PARP16: variants seen among roughly 807,000 people sequenced by gnomAD.
PARP16 encodes protein mono-ADP-ribosyltransferase PARP16.
A neutral mutation model predicts 35.0 loss-of-function variants in PARP16; 31 were observed. That is an observed-to-expected ratio of 0.88 (90% CI 0.66 to 1.19). The LOEUF is 1.19. Ranked by LOEUF, PARP16 falls within the 50% of genes most tolerant of loss-of-function variation. The pLI is 0.00. For synonymous variants in PARP16, 162 were observed against 169.5 expected (o/e 0.96, Z 0.34); for missense variants, 424 against 411.2 (o/e 1.03, Z -0.27).
intron 3 of PARP16, among the ~76,000 whole-genome samples, chr15:65,236,444 T>A (rs1165278840): frequency 2.0e-5 from 3 of 152,170 alleles, no homozygotes; most frequent in Non-Finnish European, 2.9e-5. Context: ...TGGATTGAGA[T>A]CTGGAACACC....
rs78955041 is a variant in PARP16 at position 65,281,021 on chromosome 15, G to A, written c.174+5232C>T. Among the ~76,000 whole-genome samples the A allele has an allele frequency of 5.3e-5, 8 of 152,286 alleles. No individual in the cohort carries two copies. In the East Asian group the frequency reaches 1.3e-3, roughly 26 times the overall value. ...TGAGCACCCAGGTGAGGCTCATGTT[G>A]CTGGTCCTCAACCACACTAAGCAGC... On this transcript the variant is annotated intron_variant, in intron 1 of 5. Coordinates refer to ENST00000649807, the MANE Select transcript of PARP16 (RefSeq NM_001316943.2).
chr15:65,261,446 A>G (rs1005067577), intron 4 of PARP16, among the ~76,000 whole-genome samples: 1 of 147,460 alleles, frequency 6.8e-6, no homozygotes, highest in African/African-American at 2.5e-5. Flanking sequence ...ATATATATAC[A>G]TGTTTTGTTT....
chr15:65,271,235 T>G (rs2090082905), intron 1 of PARP16, among the ~76,000 whole-genome samples, 163 bp from the exon 2 acceptor site: 1 of 152,078 alleles, frequency 6.6e-6, no homozygotes, highest in Non-Finnish European at 1.5e-5. Context: ...AATACTAAAC[T>G]TTACAAGCTC....
chr15:65,236,987 GA>G (rs1031434773), intron 3 of PARP16, among the ~76,000 whole-genome samples: 50 of 139,140 alleles, frequency 3.6e-4, no homozygotes, highest in Non-Finnish European at 6.0e-4. Flanking sequence ...AAAAAAAAAA[GA>G]AAAAAAAAAG....
At chr15:65,251,755 T>C (rs2089366897) in intron 2 of PARP16, among the ~76,000 whole-genome samples, 1 of 152,144 alleles carries the variant, frequency 6.6e-6, no homozygotes, top group South Asian at 2.1e-4. Flanking sequence ...TGCCTAGGTT[T>C]TTTTTTTGTT....
chr15:65,262,712 T>A (rs890430331), intron 4 of PARP16, among the ~76,000 whole-genome samples: 4 of 152,114 alleles, frequency 2.6e-5, no homozygotes, highest in African/African-American at 7.2e-5. Flanking sequence ...TTATTGAATA[T>A]CAAGTACATA....
At chr15:65,242,780 T>C (rs547166923) in intron 3 of PARP16, among the ~76,000 whole-genome samples, 1 of 152,208 alleles carries the variant, frequency 6.6e-6, no homozygotes, top group South Asian at 2.1e-4. Flanking sequence ...AGTGGCATGA[T>C]CTTGGCTCAC....
rs764912928 is a variant in PARP16 at position 65,259,466 on chromosome 15, T to A, written c.910A>T (p.Ile304Leu). Reference sequence around the variant, plus strand: ...GCAGAGGAGTTGATGACACTCACTATGAGCAGCAGCAGCAGATACAGGGAT... The same window carrying A: ...GCAGAGGAGTTGATGACACTCACTAAGAGCAGCAGCAGCAGATACAGGGAT... Reference protein sequence around the residue: ...MISLYLLLLLIVSVINSSAFQ... With the variant: ...MISLYLLLLLLVSVINSSAFQ... The change falls in exon 6 of 6, where the codon ATA becomes TTA. Residue 304 changes from isoleucine to leucine, a missense_variant. Transcript: ENST00000649807. The A allele has an allele frequency of 1.2e-6, 2 of 1,613,836 alleles. No homozygotes were observed. The highest frequency in any genetic ancestry group is 1.7e-6 in the Non-Finnish European group (2 of 1,179,668).
intron 3 of PARP16, among the ~76,000 whole-genome samples, chr15:65,264,521 G>A (rs902978705): frequency 1.3e-5 from 2 of 152,210 alleles, no homozygotes; most frequent in African/African-American, 4.8e-5. Context: ...GTTAAGTGAA[G>A]CTTAGGGGAA....
chr15:65,247,620 T>A (rs1289264798), intron 3 of PARP16, among the ~76,000 whole-genome samples: 1 of 152,034 alleles, frequency 6.6e-6, no homozygotes, highest in Non-Finnish European at 1.5e-5. Flanking sequence ...TCTTGGACTC[T>A]TAGGTCACTG....
At chr15:65,251,538 T>C (rs1359881411) in intron 2 of PARP16, among the ~76,000 whole-genome samples, 3 of 152,194 alleles carry the variant, frequency 2.0e-5, no homozygotes, top group African/African-American at 7.2e-5. Context: ...TCTGAGACTT[T>C]GCATGGCAGC....
At position 65,266,665 on chromosome 15, in the gene PARP16, T is replaced by A. The variant is rs770333678; in HGVS notation, c.416A>T (p.Tyr139Phe). The change falls in exon 3 of 6, where the codon TAT becomes TTT. Residue 139 changes from tyrosine to phenylalanine, a missense_variant. Transcript: ENST00000649807. ...TAGGTCTCGTTCTCCTTTGGTCTCA[T>A]AAAATTTGGCGTTGGCTGGGTCAAA... ...EYFDPANAKF[Y>F]ETKGERDLIY... The A allele has an allele frequency of 8.7e-6, 14 of 1,614,044 alleles. No homozygotes were observed. The Admixed American group carries it at 1.0e-4, about 12-fold the overall frequency.
intron 2 of PARP16, among the ~76,000 whole-genome samples, chr15:65,252,819 C>T (rs915653174): frequency 6.6e-6 from 1 of 152,152 alleles, no homozygotes; most frequent in Non-Finnish European, 1.5e-5. Flanking sequence ...CTCTCAGGAT[C>T]ATCTGCACTT....
chr15:65,255,200 C>T (rs771157485), downstream of PARP16, among the ~76,000 whole-genome samples: 1 of 151,572 alleles, frequency 6.6e-6, no homozygotes, highest in Admixed American at 6.6e-5. Context: ...TTGTCTCCTT[C>T]CTGCCTCTCC....
intron 2 of PARP16, among the ~76,000 whole-genome samples, chr15:65,250,467 C>G (rs2089330205): frequency 6.6e-6 from 1 of 152,134 alleles, no homozygotes; most frequent in South Asian, 2.1e-4. Context: ...CTGCCTCTTT[C>G]TGGCCTTTTA....
chr15:65,261,870 T>A (rs1030587389), intron 4 of PARP16, among the ~76,000 whole-genome samples: 5 of 152,232 alleles, frequency 3.3e-5, no homozygotes, highest in Admixed American at 6.5e-5. Flanking sequence ...CCCTTTTCTT[T>A]TAATAGCACA....
At chr15:65,270,072 T>C (rs2090044850) in intron 2 of PARP16, among the ~76,000 whole-genome samples, 1 of 152,186 alleles carries the variant, frequency 6.6e-6, no homozygotes, top group Non-Finnish European at 1.5e-5. Context: ...AGGTACCAAA[T>C]TCTACGCCAC....
chr15:65,256,693 C>A (rs902149154), downstream of PARP16, among the ~76,000 whole-genome samples: 56 of 152,092 alleles, frequency 3.7e-4, no homozygotes, highest in African/African-American at 1.3e-3. Flanking sequence ...AGGCGTGAGC[C>A]ACCGCGCCCG....
At chr15:65,271,356 C>T (rs1295473442) in intron 1 of PARP16, among the ~76,000 whole-genome samples, 1 of 152,124 alleles carries the variant, frequency 6.6e-6, no homozygotes. Context: ...TCACTGCAGC[C>T]TCTGCCTCCT....
Sources: allele counts gnomAD v4.1 joint callset (sites outside exome capture counted in the v4.1 genomes callset), GRCh38; gene constraint gnomAD v4.1.1; transcripts MANE v1.5; gene names NCBI Gene and HGNC (gene_info 2026-07-23, HGNC 2026-07-21).